The following EIF3D variants were observed in gnomAD, a reference collection of about 807,000 sequenced individuals.
EIF3D encodes eukaryotic translation initiation factor 3 subunit D.
A neutral mutation model predicts 75.4 loss-of-function variants in EIF3D; 10 were observed. The observed-to-expected ratio is 0.13, with a 90% CI of 0.08 to 0.22. The LOEUF (loss-of-function observed/expected upper bound fraction) is 0.22, where lower values mean the gene tolerates loss of function less well. Ranked by LOEUF, EIF3D falls within the 10% of genes least tolerant of loss-of-function variation. The pLI is 1.00. For synonymous variants in EIF3D, 246 were observed against 248.3 expected (o/e 0.99, Z 0.09); for missense variants, 394 against 708.0 (o/e 0.56, Z 5.03).
chr22:36,515,221 C>T (rs543922697), intron 12 of EIF3D, among the ~76,000 whole-genome samples: 3 of 152,304 alleles, frequency 2.0e-5, no homozygotes, highest in South Asian at 2.1e-4. Context: ...CCTACAAAAC[C>T]GTGAGCTAAT....
chr22:36,527,623 G>A (rs1026047033), intron 1 of EIF3D, among the ~76,000 whole-genome samples: 5 of 152,164 alleles, frequency 3.3e-5, no homozygotes, highest in African/African-American at 7.2e-5. Context: ...GGCGGATCAC[G>A]AGGTCAGCAG....
chr22:36,521,183 G>C (rs559674313), intron 6 of EIF3D, among the ~76,000 whole-genome samples: 13 of 152,318 alleles, frequency 8.5e-5, no homozygotes, highest in Non-Finnish European at 1.5e-4. Context: ...CTGGGTGACA[G>C]AGCAAGACTG....
rs61025388 is a variant in EIF3D, at chr22:36,516,340, C to CA, written c.1206+137dup. On this transcript the variant is annotated intron_variant, in intron 12 of 14. Transcript: ENST00000216190. Reference sequence around the variant, plus strand: ...TAAGCAGAGGAAAAAACTCACAAGACAAAAAAAAACATCCAGGTAGCTCTA... The same window carrying CA: ...TAAGCAGAGGAAAAAACTCACAAGACAAAAAAAAAACATCCAGGTAGCTCTA... The CA allele has an allele frequency of 2.2e-3, 2,304 of 1,065,982 alleles. 1 individual carries two copies. The highest frequency in any genetic ancestry group is 2.6e-3 in the Non-Finnish European group (1,934 of 752,128). 66.0% of individuals were successfully genotyped at this position (1,065,982 alleles called of 1,614,324 possible).
chr22:36,513,662 CTG>C (rs1934377142), intron 12 of EIF3D, among the ~76,000 whole-genome samples: 1 of 152,174 alleles, frequency 6.6e-6, no homozygotes, highest in African/African-American at 2.4e-5. Context: ...CAAGATGTCT[CTG>C]TGTTTCCCTA....
At chr22:36,521,808 G>A (rs894136584) in intron 6 of EIF3D, among the ~76,000 whole-genome samples, 1 of 150,618 alleles carries the variant, frequency 6.6e-6, no homozygotes, top group African/African-American at 2.4e-5. Flanking sequence ...ATGTTGGCAC[G>A]TGCCTGTAAT....
intron 13 of EIF3D, among the ~76,000 whole-genome samples, chr22:36,512,126 G>A (rs57437975): frequency 2.6e-5 from 4 of 152,088 alleles, no homozygotes; most frequent in Admixed American, 1.3e-4. Context: ...TCCTGACCTC[G>A]TGATCTGCCA....
chr22:36,525,786 CGA>C (rs1319953923), intron 2 of EIF3D, 77 bp from the exon 3 acceptor site: 10 of 1,566,490 alleles, frequency 6.4e-6, no homozygotes, highest in Non-Finnish European at 2.6e-6. Flanking sequence ...TCCCTGAGCG[CGA>C]GAGGACAGCG....
chr22:36,518,415 G>C (rs1052606017), intron 9 of EIF3D, among the ~76,000 whole-genome samples: 5 of 151,990 alleles, frequency 3.3e-5, no homozygotes, highest in African/African-American at 1.2e-4. Flanking sequence ...CTTGAATGTG[G>C]GAGGCAGACG....
chr22:36,518,946 A>G, intron 8 of EIF3D, 36 bp from the exon 9 acceptor site: 1 of 1,608,972 alleles, frequency 6.2e-7, no homozygotes, highest in Non-Finnish European at 8.5e-7. Flanking sequence ...ATGGAAAGAC[A>G]CTCCCAGGTC....
intron 4 of EIF3D, among the ~76,000 whole-genome samples, 161 bp from the exon 5 acceptor site, chr22:36,524,141 TA>T (rs1746350091): frequency 6.6e-6 from 1 of 152,088 alleles, no homozygotes. Context: ...TTGGGGGTGT[TA>T]GGGGGTAAGT....
chr22:36,516,514 G>A lies in EIF3D; in HGVS notation c.1170C>T (p.Phe390=), dbSNP rs1336893864. ...ACTCATTGAGTGTCTTGATGTTGAT[G>A]AAGGACACTTCCCCGTTGGCTCCAG... ...VMTGANGEVS[F]INIKTLNEWD... is the part of the protein sequence containing the mutation. The change falls in exon 12 of 15, where the codon TTC becomes TTT. Residue 390 remains phenylalanine (F), a synonymous_variant. Coordinates refer to ENST00000216190, the MANE Select transcript of EIF3D (RefSeq NM_003753.4). The A allele has an allele frequency of 1.9e-6, 3 of 1,614,080 alleles. No homozygotes were observed. Among genetic ancestry groups the A allele is most frequent in the Non-Finnish European group, 8.5e-7 (1 of 1,180,038 alleles).
chr22:36,525,853 T>C (rs2057093769), intron 2 of EIF3D, 144 bp from the exon 3 acceptor site: 6 of 1,455,804 alleles, frequency 4.1e-6, no homozygotes, highest in Non-Finnish European at 5.6e-6. Flanking sequence ...AGCTCTTCTA[T>C]GACTACACCC....
chr22:36,516,440 A>T (rs778762531), intron 12 of EIF3D, 38 bp downstream of exon 12: 3 of 1,605,578 alleles, frequency 1.9e-6, no homozygotes, highest in Non-Finnish European at 1.7e-6. Context: ...GAATAGAGAC[A>T]TGGTGTCACC....
At chr22:36,522,616 C>T (rs955886247) in intron 6 of EIF3D, among the ~76,000 whole-genome samples, 10 of 152,098 alleles carry the variant, frequency 6.6e-5, no homozygotes, top group Non-Finnish European at 8.8e-5. Flanking sequence ...CAAAAAATCC[C>T]GAGACAGAAA....
chr22:36,511,236 C>A (rs183040483), intron 14 of EIF3D: 15 of 802,058 alleles, frequency 1.9e-5, no homozygotes, highest in Non-Finnish European at 2.7e-5. Context: ...TCTAGACCAC[C>A]GGCTTCAATC....
chr22:36,522,992 G>A (rs544492610), intron 6 of EIF3D: 17 of 473,162 alleles, frequency 3.6e-5, no homozygotes, highest in African/African-American at 1.4e-4. Context: ...TTCTAGCAAC[G>A]GAAAACAGAT....
At chr22:36,526,243 G>A (rs1354984837) in intron 1 of EIF3D, 112 bp from the exon 2 acceptor site, 7 of 1,183,698 alleles carry the variant, frequency 5.9e-6, no homozygotes, top group South Asian at 2.0e-5. Context: ...AAAGCAACAC[G>A]CAAAATGGAA....
chr22:36,519,007 A>G, intron 8 of EIF3D, 97 bp from the exon 9 acceptor site: 1 of 1,481,136 alleles, frequency 6.8e-7, no homozygotes, highest in Non-Finnish European at 9.1e-7. Flanking sequence ...GACCACATAA[A>G]TCCTTAATAA....
At chr22:36,521,773 G>GAA (rs58996003) in intron 6 of EIF3D, among the ~76,000 whole-genome samples, 4,373 of 88,692 alleles carry the variant, frequency 0.049, 89 homozygotes, top group Middle Eastern at 0.16. Context: ...CAAAACATAT[G>GAA]AAAAAAAAAA....
Sources: gnomAD v4.1 joint callset for allele counts (sites outside exome capture counted in the v4.1 genomes callset) on GRCh38, gnomAD v4.1.1 for gene constraint, MANE v1.5 for transcripts, NCBI Gene and HGNC (gene_info 2026-07-23, HGNC 2026-07-21) for gene names.